The following PCDH15 variants were observed in gnomAD, a reference collection of about 807,000 sequenced individuals.
PCDH15 encodes the protein protocadherin related 15.
PCDH15 carries 129 observed loss-of-function variants against 178.5 expected under a neutral mutation model. The ratio of observed to expected loss-of-function variants is 0.72; its 90% CI spans 0.63 to 0.84. PCDH15 has a LOEUF of 0.84. PCDH15 is among the 40% of genes least tolerant of loss of function. The probability of loss-of-function intolerance (pLI) is 0.00; values close to 1 mark genes in which losing one functional copy is unlikely to be tolerated. For missense variants in PCDH15, 2,230 were observed against 2,099.9 expected (o/e 1.06, Z -1.21); for synonymous variants, 800 against 732.0 (o/e 1.09, Z -1.50).
chr10:55,432,735 G>C (rs931858347), intron 2 of PCDH15, among the ~76,000 whole-genome samples: 1 of 151,754 alleles, frequency 6.6e-6, no homozygotes, highest in African/African-American at 2.4e-5. Context: ...ACTTAAAACA[G>C]AAGTAGCTGG....
Position 54,559,330 on chromosome 10 carries a change from G to A in PCDH15, c.92-31453C>T, listed in dbSNP as rs2087743589. On this transcript the variant is annotated intron_variant, in intron 2 of 37. Coordinates refer to ENST00000644397, the MANE Select transcript of PCDH15 (RefSeq NM_001384140.1). ...CTCCTAGTAGATACTCTTTTAACAGGAACTACTAATCTTGTTATTGATATT... is the reference window on the plus strand; with the variant it reads ...CTCCTAGTAGATACTCTTTTAACAGAAACTACTAATCTTGTTATTGATATT... 3.3e-5 allele frequency among the ~76,000 whole-genome samples: 5 copies of A among 151,726 alleles called. No homozygotes were observed. In the East Asian group the frequency reaches 9.7e-4, roughly 29 times the overall value.
At chr10:53,815,095 T>C (rs747420254) in intron 35 of PCDH15, among the ~76,000 whole-genome samples, 2 of 152,188 alleles carry the variant, frequency 1.3e-5, no homozygotes, top group Non-Finnish European at 2.9e-5. Context: ...AACCCCTTAG[T>C]TGATGAATTC....
At chr10:54,272,698 C>T (rs983402774) in intron 8 of PCDH15, among the ~76,000 whole-genome samples, 28 of 152,076 alleles carry the variant, frequency 1.8e-4, no homozygotes, top group African/African-American at 6.0e-4. Flanking sequence ...TGCTTTATCA[C>T]GCATCCTAAA....
chr10:55,228,611 C>A (rs577200831), intron 1 of PCDH15, among the ~76,000 whole-genome samples: 1 of 152,028 alleles, frequency 6.6e-6, no homozygotes, highest in South Asian at 2.1e-4. Context: ...TTGATTCAAT[C>A]TCATATTTCA....
intron 1 of PCDH15, among the ~76,000 whole-genome samples, chr10:54,728,606 A>G (rs968579183): frequency 2.0e-5 from 3 of 151,346 alleles, no homozygotes; most frequent in African/African-American, 7.3e-5. Context: ...ATGCAAGAGG[A>G]AGAAATAAAA....
chr10:54,538,680 T>C (rs1006221491), intron 2 of PCDH15, among the ~76,000 whole-genome samples: 3 of 152,140 alleles, frequency 2.0e-5, no homozygotes. Context: ...GCCCTTGCTG[T>C]TCTTGTGATA....
intron 2 of PCDH15, among the ~76,000 whole-genome samples, chr10:55,328,232 CTA>C (rs34226039): frequency 1.3e-5 from 2 of 151,248 alleles, no homozygotes; most frequent in East Asian, 3.9e-4. Flanking sequence ...TAGGACAAAA[CTA>C]TATATATATA....
At position 55,354,669 on chromosome 10, in the gene PCDH15, A is replaced by G. The variant is rs191474394; in HGVS notation, c.-155-188018T>C. Among the ~76,000 whole-genome samples the G allele has an allele frequency of 5.6e-3, 859 of 152,222 alleles. 6 individuals are homozygous for G. Among genetic ancestry groups the G allele is most frequent in the Non-Finnish European group, 9.0e-3 (615 of 67,984 alleles). On this transcript the variant is annotated intron_variant, in intron 2 of 5. Coordinates refer to the PCDH15 transcript ENST00000613346. Reference sequence around the variant, plus strand: ...TTCATCAGTGAAATTCAGACAATTCATAATAGGGCTGCTTTCAAATCCTGG... The same window carrying G: ...TTCATCAGTGAAATTCAGACAATTCGTAATAGGGCTGCTTTCAAATCCTGG...
intron 15 of PCDH15, among the ~76,000 whole-genome samples, chr10:54,101,368 T>C (rs1053698474): frequency 2.0e-5 from 3 of 152,090 alleles, no homozygotes; most frequent in African/African-American, 4.8e-5. Context: ...TGGCAGTGGA[T>C]GGTGGGGAGG....
intron 18 of PCDH15, among the ~76,000 whole-genome samples, chr10:54,061,299 C>T (rs1368975482): frequency 6.6e-6 from 1 of 152,174 alleles, no homozygotes; most frequent in Non-Finnish European, 1.5e-5. Flanking sequence ...ATTCTATCTC[C>T]TGTGAAATAC....
intron 9 of PCDH15, among the ~76,000 whole-genome samples, chr10:54,223,772 G>A (rs926755502): frequency 4.0e-5 from 6 of 151,880 alleles, no homozygotes; most frequent in African/African-American, 1.2e-4. Flanking sequence ...AAAATAATGG[G>A]CATCTAGAGG....
intron 2 of PCDH15, among the ~76,000 whole-genome samples, chr10:55,120,801 G>A (rs1191558596): frequency 6.6e-6 from 1 of 152,130 alleles, no homozygotes. Flanking sequence ...GGATATACTT[G>A]CCAGAAAGCA....
At chr10:54,890,286 C>G (rs1373127879) in intron 3 of PCDH15, among the ~76,000 whole-genome samples, 1 of 151,992 alleles carries the variant, frequency 6.6e-6, no homozygotes, top group East Asian at 1.9e-4. Context: ...TGATACAACT[C>G]TAAACATACA....
At chr10:54,296,921 T>C (rs2059831418) in intron 8 of PCDH15, among the ~76,000 whole-genome samples, 1 of 152,146 alleles carries the variant, frequency 6.6e-6, no homozygotes, top group Non-Finnish European at 1.5e-5. Flanking sequence ...AGGAGAATGC[T>C]TAGGACTCTA....
chr10:54,372,336 T>G (rs1370472688), intron 4 of PCDH15, among the ~76,000 whole-genome samples: 1 of 151,788 alleles, frequency 6.6e-6, no homozygotes, highest in East Asian at 1.9e-4. Context: ...TCCTGCTAAG[T>G]ACCCATAAAT....
At chr10:54,307,176 A>G (rs1458537343) in intron 8 of PCDH15, among the ~76,000 whole-genome samples, 2 of 128,114 alleles carry the variant, frequency 1.6e-5, no homozygotes, top group Admixed American at 8.4e-5. Context: ...GGCTCCAGGT[A>G]CTTGGAAAGA....
chr10:54,408,052 C>CAAAACA (rs1952925632), intron 3 of PCDH15, among the ~76,000 whole-genome samples: 2 of 83,728 alleles, frequency 2.4e-5, no homozygotes, highest in Non-Finnish European at 4.5e-5. Context: ...GAGACTCTGT[C>CAAAACA]AAAAAAAAAA....
At position 55,099,766 on chromosome 10, in the gene PCDH15, A is replaced by T. The variant is rs1182324722; in HGVS notation, c.-80+66810T>A. On this transcript the variant is annotated intron_variant, in intron 2 of 5. Transcript: ENST00000458638. ...AGTAACAAGCAAGAGAAGAAGAAGA[A>T]AAGCAAACTTGACTGCCAAAAAAAA... Among the ~76,000 whole-genome samples, 4 of 151,612 alleles carry T rather than the reference A, an allele frequency of 2.6e-5. No homozygotes were observed. In the Admixed American group the frequency reaches 2.7e-4, roughly 10 times the overall value.
chr10:54,206,654 T>A (rs2050826467), intron 10 of PCDH15, among the ~76,000 whole-genome samples: 4 of 152,100 alleles, frequency 2.6e-5, no homozygotes, highest in African/African-American at 9.7e-5. Context: ...ATAAAAATTA[T>A]ATCTAAATCG....
Sources: gnomAD v4.1 joint callset for allele counts (sites outside exome capture counted in the v4.1 genomes callset) on GRCh38, gnomAD v4.1.1 for gene constraint, MANE v1.5 for transcripts, NCBI Gene and HGNC (gene_info 2026-07-23, HGNC 2026-07-21) for gene names.